Variants in CD99 observed in about 807,000 individuals in gnomAD.
The protein encoded by CD99 is CD99 molecule (Xg blood group).
CD99 carries 19 observed loss-of-function variants against 28.4 expected under a neutral mutation model. The observed-to-expected ratio is 0.67, with a 90% CI of 0.47 to 0.98. CD99 has a LOEUF of 0.98. CD99 is among the 50% of genes least tolerant of loss of function. The pLI, the probability that CD99 is intolerant of heterozygous loss-of-function variation, is 0.00. For synonymous variants in CD99, 103 were observed against 92.1 expected, an observed-to-expected ratio of 1.12 and a Z score of -0.67; for missense variants, 283 against 248.8, an observed-to-expected ratio of 1.14 and a Z score of -0.92.
chrX:2,711,969 G>C (rs1456808583), intron 1 of CD99, among the ~76,000 whole-genome samples: 2 of 152,306 alleles, frequency 1.3e-5, no homozygotes, highest in East Asian at 3.9e-4. Flanking sequence ...TTGAACCCAG[G>C]AGGCGGAGGT....
At chrX:2,737,826 G>C (rs1405535585) in intron 8 of CD99, 2 of 386,918 alleles carry the variant, frequency 5.2e-6, no homozygotes, top group Non-Finnish European at 9.9e-6. Context: ...TTTGGGGGCA[G>C]TTATAAATAA....
At chrX:2,692,629 C>G (rs1180725872) in intron 1 of CD99, among the ~76,000 whole-genome samples, 2 of 151,986 alleles carry the variant, frequency 1.3e-5, no homozygotes, top group Admixed American at 6.6e-5. Context: ...AGGGGAGGTT[C>G]CAAGCAGAGC....
chrX:2,706,794 C>A (rs1467173455), intron 1 of CD99, among the ~76,000 whole-genome samples: 1 of 152,004 alleles, frequency 6.6e-6, no homozygotes, highest in Non-Finnish European at 1.5e-5. Context: ...TTACAGGAAT[C>A]TTGGAACTGC....
At chrX:2,719,836 G>A in intron 4 of CD99, 131 bp downstream of exon 4, 3 of 935,942 alleles carry the variant, frequency 3.2e-6, no homozygotes, top group Non-Finnish European at 5.2e-6. Context: ...CTAGGGAATA[G>A]GTGTGTCGGT....
chrX:2,728,761 C>A (rs2049430187), intron 8 of CD99, among the ~76,000 whole-genome samples: 1 of 151,554 alleles, frequency 6.6e-6, no homozygotes, highest in Admixed American at 6.6e-5. Context: ...AATATTCAAC[C>A]AGGAGGTAAG....
chrX:2,691,696 G>C (rs1269871293), intron 1 of CD99: 2 of 703,810 alleles, frequency 2.8e-6, no homozygotes, highest in Non-Finnish European at 5.2e-6. Flanking sequence ...CTTGGGAGAG[G>C]TGCGTCCGAT....
chrX:2,694,927 T>C (rs1296691081), intron 1 of CD99, among the ~76,000 whole-genome samples: 1 of 152,194 alleles, frequency 6.6e-6, no homozygotes, highest in East Asian at 1.9e-4. Flanking sequence ...CATGCTGTCA[T>C]TTAGAAAGAA....
At chrX:2,708,700 G>A (rs1032665925) in intron 1 of CD99, among the ~76,000 whole-genome samples, 2 of 152,198 alleles carry the variant, frequency 1.3e-5, no homozygotes, top group Admixed American at 6.5e-5. Flanking sequence ...GGGGAGAAGG[G>A]CGTGAGGGGC....
Position 2,740,781 on chromosome X carries a change from C to G in CD99, c.535C>G (p.Gln179Glu). The change falls in exon 10 of 10, where the codon CAG (glutamine) becomes GAG (glutamate). Residue 179 changes from glutamine (Q) to glutamate (E), a missense_variant and splice_region_variant. Coordinates refer to ENST00000381192, the MANE Select transcript of CD99 (RefSeq NM_002414.5). ...HRNANAEPAV[Q>E]RTLLEK ...TCTTTTGTCTCTGTCTCCCACAGTT[C>G]AGCGTACTCTTTTAGAGAAATAGAA... 6.2e-7 allele frequency: 1 copy of G among 1,613,864 alleles called. No homozygotes were observed. Among genetic ancestry groups the G allele is most frequent in the Non-Finnish European group, 8.5e-7 (1 of 1,179,842 alleles).
rs1193141269 is a variant in CD99, at chrX:2,691,379, C to G, written c.19C>G (p.Leu7Val). The change falls in exon 1 of 10, where the codon CTG becomes GTG. Residue 7 changes from leucine (L) to valine (V), a missense_variant. By Grantham distance (32) the Leu-to-Val change is conservative. Transcript: ENST00000381192. Reference protein sequence around the residue: MARGAALALLLFGLLGV... With the variant: MARGAAVALLLFGLLGV... ...GCGCACCATGGCCCGCGGGGCTGCG[C>G]TGGCGCTGCTGCTCTTCGGCCTGCT... 1 of 1,578,272 alleles carries G rather than the reference C, an allele frequency of 6.3e-7. No homozygotes were observed. Among genetic ancestry groups the G allele is most frequent in the Non-Finnish European group, 8.5e-7 (1 of 1,172,038 alleles).
intron 8 of CD99, among the ~76,000 whole-genome samples, chrX:2,736,584 G>A (rs1378228699): frequency 2.6e-5 from 4 of 152,066 alleles, no homozygotes; most frequent in East Asian, 1.9e-4. Flanking sequence ...AGGGCCGGGC[G>A]TGGTGGCTCA....
chrX:2,738,149 T>G, intron 8 of CD99, 51 bp from the exon 9 acceptor site: 1 of 1,518,192 alleles, frequency 6.6e-7, no homozygotes, highest in Non-Finnish European at 9.2e-7. Context: ...TTTTGAGGAG[T>G]GGGTTATCTG....
intron 1 of CD99, among the ~76,000 whole-genome samples, chrX:2,713,746 G>A (rs2048554936): frequency 6.6e-6 from 1 of 152,154 alleles, no homozygotes; most frequent in East Asian, 1.9e-4. Context: ...GCTGAGGAGT[G>A]GGGACGCTGG....
intron 1 of CD99, among the ~76,000 whole-genome samples, chrX:2,694,783 C>T (rs1254210213): frequency 2.0e-5 from 3 of 152,004 alleles, no homozygotes; most frequent in African/African-American, 7.2e-5. Context: ...TGCTTTAGCT[C>T]TTTCTCCTTT....
At chrX:2,694,892 C>G (rs1038007460) in intron 1 of CD99, among the ~76,000 whole-genome samples, 32 of 152,094 alleles carry the variant, frequency 2.1e-4, no homozygotes, top group Non-Finnish European at 4.1e-4. Flanking sequence ...AATCATTTTT[C>G]TTCCTGAAGG....
At chrX:2,710,768 A>G (rs149334838) in intron 1 of CD99, among the ~76,000 whole-genome samples, 4,966 of 151,276 alleles carry the variant, frequency 0.033, 104 homozygotes, top group African/African-American at 0.06. Flanking sequence ...AAGCACTGTC[A>G]TTTCCGGGGA....
At chrX:2,710,665 G>T (rs186970907) in intron 1 of CD99, among the ~76,000 whole-genome samples, 5 of 151,992 alleles carry the variant, frequency 3.3e-5, no homozygotes, top group African/African-American at 7.2e-5. Flanking sequence ...TGGGGTGGAG[G>T]GGGTGGGGAC....
rs149727392 is a variant in CD99 at position 2,725,733 on chromosome X, C to G, written c.362-527C>G. On this transcript the variant is annotated intron_variant, in intron 7 of 9. Transcript: ENST00000381192. The stretch of plus-strand genomic sequence containing the variant: ...GGTTCAAGCGATTCTCTGGACTCAG[C>G]CTCCTGAGTAGCTGGGATTAAAGGC... 5.9e-3 allele frequency among the ~76,000 whole-genome samples: 892 copies of G among 152,252 alleles called. 5 individuals carry two copies. Among genetic ancestry groups the G allele is most frequent in the Middle Eastern group, 0.014 (4 of 294 alleles).
intron 3 of CD99, chrX:2,719,395 C>G (rs2048889267): frequency 7.1e-6 from 3 of 422,622 alleles, no homozygotes; most frequent in East Asian, 6.7e-5. Context: ...TTCTCTCTCT[C>G]TCTCCCCACT....
Sources: allele counts gnomAD v4.1 joint callset (sites outside exome capture counted in the v4.1 genomes callset), GRCh38; gene constraint gnomAD v4.1.1; transcripts MANE v1.5; gene names NCBI Gene and HGNC (gene_info 2026-07-23, HGNC 2026-07-21).